The following TPH2 variants were observed in gnomAD, a reference collection of about 807,000 sequenced individuals.
TPH2 encodes the protein tryptophan 5-hydroxylase 2.
In TPH2, 27 loss-of-function variants were observed where a neutral mutation model predicts 59.1. The ratio of observed to expected loss-of-function variants is 0.46; its 90% CI spans 0.34 to 0.63. TPH2 has a LOEUF of 0.63. TPH2 is among the 30% of genes least tolerant of loss of function. The pLI is 0.01. For synonymous variants in TPH2, 220 were observed against 210.5 expected (o/e 1.05, Z -0.39); for missense variants, 523 against 588.3 (o/e 0.89, Z 1.15).
intron 2 of TPH2, among the ~76,000 whole-genome samples, chr12:71,943,217 A>G (rs1871119943): frequency 6.6e-6 from 1 of 152,216 alleles, no homozygotes; most frequent in Non-Finnish European, 1.5e-5. Flanking sequence ...TCACAAGACC[A>G]GTTTCTTTAT....
At chr12:72,019,436 C>G (rs982436964) in intron 8 of TPH2, among the ~76,000 whole-genome samples, 25 of 152,270 alleles carry the variant, frequency 1.6e-4, no homozygotes, top group Middle Eastern at 3.4e-3. Context: ...TGCTGTCCCC[C>G]CTTCTAGGAA....
chr12:72,008,157 T>A (rs779972472), intron 8 of TPH2, among the ~76,000 whole-genome samples: 6 of 152,134 alleles, frequency 3.9e-5, no homozygotes, highest in Non-Finnish European at 5.9e-5. Flanking sequence ...AGATGGCTGA[T>A]CAAAGGTGGC....
chr12:71,981,764 G>T (rs1029086993), intron 7 of TPH2, among the ~76,000 whole-genome samples: 1 of 151,980 alleles, frequency 6.6e-6, no homozygotes, highest in African/African-American at 2.4e-5. Flanking sequence ...TGGGTTTGGG[G>T]TATTTTGTCT....
intron 8 of TPH2, among the ~76,000 whole-genome samples, chr12:72,018,143 C>A (rs1442050798): frequency 1.3e-5 from 2 of 152,200 alleles, no homozygotes; most frequent in African/African-American, 4.8e-5. Context: ...ATTTAGGGAC[C>A]TTCCTTGGTT....
chr12:71,979,391 C>T (rs923575027), intron 7 of TPH2, among the ~76,000 whole-genome samples: 1 of 152,188 alleles, frequency 6.6e-6, no homozygotes, highest in African/African-American at 2.4e-5. Flanking sequence ...AAAGTAGACA[C>T]TGACACATGG....
chr12:72,003,294 G>A (rs1413004614), intron 8 of TPH2, among the ~76,000 whole-genome samples: 1 of 152,140 alleles, frequency 6.6e-6, no homozygotes, highest in Non-Finnish European at 1.5e-5. Flanking sequence ...TTTATACAAA[G>A]CTGACAAAGG....
At chr12:71,970,046 A>C (rs968331494) in intron 5 of TPH2, among the ~76,000 whole-genome samples, 7 of 152,242 alleles carry the variant, frequency 4.6e-5, no homozygotes, top group African/African-American at 1.7e-4. Context: ...ACTACATAGA[A>C]AAATGGAAAA....
intron 7 of TPH2, among the ~76,000 whole-genome samples, chr12:71,986,260 C>T (rs749921123): frequency 1.3e-5 from 2 of 152,100 alleles, no homozygotes; most frequent in Non-Finnish European, 2.9e-5. Context: ...CCAAATAAGT[C>T]CACCCTTACT....
Position 71,943,175 on chromosome 12 carries a change from TAAAAAC to T in TPH2, c.256-1117_256-1112del, listed in dbSNP as rs1011321870. Among the ~76,000 whole-genome samples the T allele has an allele frequency of 3.7e-4, 56 of 152,306 alleles. 1 individual carries two copies. Among genetic ancestry groups the T allele is most frequent in the Middle Eastern group, 3.4e-3 (1 of 294 alleles). On this transcript the variant is annotated intron_variant, in intron 2 of 10. Coordinates refer to ENST00000333850, the MANE Select transcript of TPH2 (RefSeq NM_173353.4). ...TGCATGATATTATTGTAAAGGTTAA[TAAAAAC>T]AGAAATAGGACATTTAGTTTCCTCA...
chr12:72,017,455 A>G (rs930254150), intron 8 of TPH2, among the ~76,000 whole-genome samples: 1 of 152,244 alleles, frequency 6.6e-6, no homozygotes, highest in Non-Finnish European at 1.5e-5. Context: ...ATATGTAATT[A>G]TATCCAAATA....
Position 71,949,655 on chromosome 12 carries a change from A to T in TPH2, c.608A>T (p.Tyr203Phe), listed in dbSNP as rs1189508059. 1 of 1,611,044 alleles carries T rather than the reference A, an allele frequency of 6.2e-7. No homozygotes were observed. Among genetic ancestry groups the T allele is most frequent in the Non-Finnish European group, 8.5e-7 (1 of 1,177,468 alleles). ...YFVDVAMGYK[Y>F]GQPIPRVEYT... Reference sequence around the variant, plus strand: ...GTGGATGTGGCCATGGGTTATAAATAGTAAGTACCTGTATAACTCTTTCTT... The same window carrying T: ...GTGGATGTGGCCATGGGTTATAAATTGTAAGTACCTGTATAACTCTTTCTT... Residue 203 changes from tyrosine (Y) to phenylalanine (F), a missense_variant and splice_region_variant, in exon 5 of 11, where the codon TAT becomes TTT. Tyr to Phe is a conservative substitution (Grantham distance 22, BLOSUM62 3). Coordinates refer to ENST00000333850, the MANE Select transcript of TPH2 (RefSeq NM_173353.4).
In TPH2 at chr12:71,972,750, A is replaced by G. The variant is rs776793943; in HGVS notation, c.805+35A>G. ...CACACAGGCTGTCTCTTATTAGTCA[A>G]TATCCTCAATTGCCTTCCAAGGACA... On this transcript the variant is annotated intron_variant, in intron 6 of 10. Coordinates refer to ENST00000333850, the MANE Select transcript of TPH2 (RefSeq NM_173353.4). 35 of 1,597,548 alleles carry G rather than the reference A, an allele frequency of 2.2e-5. No individual in the cohort carries two copies. In the South Asian group the frequency reaches 3.2e-4, roughly 15 times the overall value.
At chr12:71,987,997 G>A (rs921733601) in intron 7 of TPH2, among the ~76,000 whole-genome samples, 1 of 152,138 alleles carries the variant, frequency 6.6e-6, no homozygotes, top group Non-Finnish European at 1.5e-5. Context: ...TACACATTTG[G>A]TTCTTCAGTA....
intron 7 of TPH2, among the ~76,000 whole-genome samples, chr12:71,983,083 G>A (rs1872330537): frequency 6.6e-6 from 1 of 150,938 alleles, no homozygotes; most frequent in South Asian, 2.1e-4. Flanking sequence ...AAAAAAAAGT[G>A]ATGGCAGATT....
At chr12:71,944,208 C>A in intron 2 of TPH2, 86 bp from the exon 3 acceptor site, 2 of 1,448,584 alleles carry the variant, frequency 1.4e-6, no homozygotes, top group Non-Finnish European at 1.9e-6. Flanking sequence ...GTACTTGGCA[C>A]CTTGCTTAAG....
chr12:71,968,784 T>A (rs912129666), intron 5 of TPH2, among the ~76,000 whole-genome samples: 1 of 152,030 alleles, frequency 6.6e-6, no homozygotes, highest in Non-Finnish European at 1.5e-5. Flanking sequence ...GTGGTACAGG[T>A]GGTACAGGAG....
intron 5 of TPH2, among the ~76,000 whole-genome samples, chr12:71,967,696 G>A (rs1871856721): frequency 6.6e-6 from 1 of 152,144 alleles, no homozygotes; most frequent in South Asian, 2.1e-4. Flanking sequence ...AGTCTGTTGA[G>A]GAGTATTATC....
Position 71,961,606 on chromosome 12 carries a change from T to C in TPH2, c.609-10913T>C, listed in dbSNP as rs374215068. 5.9e-5 allele frequency: 80 copies of C among 1,352,152 alleles called. No homozygotes were observed. The African/African-American group carries it at 9.9e-4, about 17-fold the overall frequency. 83.8% of individuals were successfully genotyped at this position (1,352,152 alleles called of 1,614,324 possible). A position where few individuals can be genotyped will look rare whatever the true frequency, so the allele number is the denominator to read the frequency against. On this transcript the variant is annotated intron_variant, in intron 5 of 10. Transcript: ENST00000333850. ...GACTGGGAATTTCAGCTCTTTTCTG[T>C]ATCAAGTTCTTTGAGCTCAAGCTCC... is the stretch of plus-strand genomic sequence containing the variant.
intron 7 of TPH2, among the ~76,000 whole-genome samples, chr12:71,992,642 C>T (rs1485260673): frequency 6.6e-6 from 1 of 151,774 alleles, no homozygotes; most frequent in Non-Finnish European, 1.5e-5. Flanking sequence ...AGTGTGGTAG[C>T]CTAGGAAAAG....
Sources: gnomAD v4.1 joint callset for allele counts (sites outside exome capture counted in the v4.1 genomes callset) on GRCh38, gnomAD v4.1.1 for gene constraint, MANE v1.5 for transcripts, NCBI Gene and HGNC (gene_info 2026-07-23, HGNC 2026-07-21) for gene names.